The following VWA5A variants were observed in gnomAD, a reference collection of about 807,000 sequenced individuals.
The protein encoded by VWA5A is von Willebrand factor A domain containing 5A.
In VWA5A, 77 loss-of-function variants were observed where a neutral mutation model predicts 84.6. That is an observed-to-expected ratio of 0.91 (90% CI 0.76 to 1.10). The LOEUF is 1.10. Ranked by LOEUF, VWA5A falls within the 50% of genes least tolerant of loss-of-function variation. The pLI is 0.00. For synonymous variants in VWA5A, 334 were observed against 350.1 expected (o/e 0.95, Z 0.51); for missense variants, 973 against 963.0 (o/e 1.01, Z -0.14).
rs749615388 is a variant in VWA5A at position 124,134,970 on chromosome 11, G to A, written c.1295G>A (p.Gly432Asp). Residue 432 changes from glycine to aspartate, a missense_variant, in exon 12 of 19, where the codon GGT becomes GAT. Transcript: ENST00000456829. ...GGCACCTCCACCAGCCTAATAAAAG[G>A]TATTGCCCGGGCATCAGGGGGCACC... ...GEGTSTSLIK[G>D]IARASGGTSE... 1 of 1,613,620 alleles carries A rather than the reference G, an allele frequency of 6.2e-7. No individual in the cohort carries two copies. Among genetic ancestry groups the A allele is most frequent in the Non-Finnish European group, 8.5e-7 (1 of 1,179,812 alleles).
Position 124,136,586 on chromosome 11 carries a change from A to G in VWA5A, c.1537A>G (p.Thr513Ala). 1 of 1,614,124 alleles carries G rather than the reference A, an allele frequency of 6.2e-7. No homozygotes were observed. Among genetic ancestry groups the G allele is most frequent in the South Asian group, 1.1e-5 (1 of 91,084 alleles). The stretch of plus-strand genomic sequence containing the variant: ...CTCTAATTTGCAGGCAGCAGAGACA[A>G]CAGGAGAAGTATGCCTCAAATATAC... The part of the protein sequence containing the change: ...LTGRMPAAET[T>A]GEVCLKYTLQ... Residue 513 changes from threonine (T) to alanine (A), a missense_variant, in exon 14 of 19, where the codon ACA becomes GCA. Thr to Ala is a moderately conservative substitution (Grantham distance 58). Transcript: ENST00000456829.
chr11:124,141,253 T>C (rs1860722688), intron 15 of VWA5A, among the ~76,000 whole-genome samples: 1 of 152,206 alleles, frequency 6.6e-6, no homozygotes, highest in African/African-American at 2.4e-5. Flanking sequence ...TGAAGTGTGG[T>C]ACATTGAGCA....
intron 17 of VWA5A, among the ~76,000 whole-genome samples, chr11:124,143,361 A>G (rs1565292231): frequency 6.6e-6 from 1 of 152,220 alleles, no homozygotes; most frequent in Non-Finnish European, 1.5e-5. Context: ...AACTTTCAAA[A>G]TGTGGAAGGA....
At position 124,141,674 on chromosome 11, in the gene VWA5A, C is replaced by T; in HGVS notation, c.1956C>T (p.Ala652=). Residue 652 remains alanine, a synonymous_variant, in exon 16 of 19, where the codon GCC becomes GCT. Transcript: ENST00000456829. ...QPRGELMCYK[A]KTFQMDDYSL... The stretch of plus-strand genomic sequence containing the variant: ...GAGGGGAACTTATGTGTTATAAGGC[C>T]AAGACATTCCAGATGGACGATTACA... The T allele has an allele frequency of 6.2e-7, 1 of 1,614,082 alleles. No individual in the cohort carries two copies. Among genetic ancestry groups the T allele is most frequent in the South Asian group, 1.1e-5 (1 of 91,062 alleles).
Position 124,135,035 on chromosome 11 carries a change from G to A in VWA5A, c.1359+1G>A. The A allele has an allele frequency of 6.2e-7, 1 of 1,611,858 alleles. No homozygotes were observed. On this transcript the variant is annotated splice_donor_variant, in intron 12 of 18. Coordinates refer to ENST00000456829, the MANE Select transcript of VWA5A (RefSeq NM_001130142.2). LOFTEE classifies it high-confidence loss of function. The stretch of plus-strand genomic sequence containing the variant: ...AGGCAAAGACAGGATGCAGTCCAAG[G>A]TGAGGGACAGACTGACTGTGTCTGT...
At chr11:124,127,732 A>G (rs1474946221) in intron 11 of VWA5A, among the ~76,000 whole-genome samples, 1 of 152,050 alleles carries the variant, frequency 6.6e-6, no homozygotes, top group Non-Finnish European at 1.5e-5. Flanking sequence ...ATGGTATCTC[A>G]TTGTGGTTTT....
intron 2 of VWA5A, chr11:124,117,217 G>C (rs1864845012): frequency 2.0e-6 from 1 of 498,360 alleles, no homozygotes. Flanking sequence ...ATACACTTTT[G>C]AGAAAGTGGA....
rs1565615653 is a variant in VWA5A at position 124,122,983 on chromosome 11, G to A, written c.784G>A (p.Ala262Thr). The A allele has an allele frequency of 6.2e-7, 1 of 1,613,828 alleles. No individual in the cohort carries two copies. Among genetic ancestry groups the A allele is most frequent in the East Asian group, 2.2e-5 (1 of 44,878 alleles). Residue 262 changes from alanine to threonine, a missense_variant, in exon 8 of 19, where the codon GCA becomes ACA. Transcript: ENST00000456829. ...AGGTCATTTGATGGGAGATCCATCTGCAATGGTGAGTTTCTATCCAAATAT... is the reference window on the plus strand; with the variant it reads ...AGGTCATTTGATGGGAGATCCATCTACAATGGTGAGTTTCTATCCAAATAT... Reference protein sequence around the residue: ...KPGHLMGDPSAMVSFYPNIPE... With the variant: ...KPGHLMGDPSTMVSFYPNIPE...
chr11:124,118,228 C>A lies in VWA5A; in HGVS notation c.286C>A (p.Gln96Lys). 3 of 1,614,166 alleles carry A rather than the reference C, an allele frequency of 1.9e-6. No homozygotes were observed. Among genetic ancestry groups the A allele is most frequent in the Non-Finnish European group, 1.7e-6 (2 of 1,180,042 alleles). ...TGAGAAAGCCATCTCCCAGGGCCACCAGGCCTTCTTATTGGAGGGGGACAG... is the reference window on the plus strand; with the variant it reads ...TGAGAAAGCCATCTCCCAGGGCCACAAGGCCTTCTTATTGGAGGGGGACAG... ...NYEKAISQGH[Q>K]AFLLEGDSSS... The change falls in exon 5 of 19, where the codon CAG becomes AAG. Residue 96 changes from glutamine (Q) to lysine (K), a missense_variant. By Grantham distance (53) the Gln-to-Lys change is moderately conservative (BLOSUM62 1). Transcript: ENST00000456829.
At chr11:124,137,702 T>A (rs1860637517) in intron 15 of VWA5A, among the ~76,000 whole-genome samples, 1 of 152,292 alleles carries the variant, frequency 6.6e-6, no homozygotes, top group Non-Finnish European at 1.5e-5. Context: ...ACCTAAGAAA[T>A]AAACTTCATA....
intron 11 of VWA5A, 95 bp downstream of exon 11, chr11:124,124,411 G>A (rs554655815): frequency 4.0e-5 from 58 of 1,467,614 alleles, no homozygotes; most frequent in Middle Eastern, 3.5e-4. Context: ...TCCTTCAAGA[G>A]GACCAAATGA....
At chr11:124,121,864 C>G (rs1484203252) in intron 7 of VWA5A, among the ~76,000 whole-genome samples, 3 of 152,208 alleles carry the variant, frequency 2.0e-5, no homozygotes, top group Non-Finnish European at 2.9e-5. Context: ...CAATATAGCA[C>G]CAGCTCCATT....
chr11:124,141,841 T>C (rs1860734042), intron 16 of VWA5A, 100 bp downstream of exon 16: 1 of 1,465,910 alleles, frequency 6.8e-7, no homozygotes, highest in Non-Finnish European at 9.2e-7. Context: ...TGACAAGAGA[T>C]GCATGTTTCT....
At chr11:124,124,646 A>AC (rs1439115945) in intron 11 of VWA5A, 11 of 850,284 alleles carry the variant, frequency 1.3e-5, no homozygotes, top group Admixed American at 1.1e-4. Flanking sequence ...ATACAACTGG[A>AC]CTCATTATCA....
intron 11 of VWA5A, among the ~76,000 whole-genome samples, chr11:124,134,317 G>C (rs1865141218): frequency 6.6e-6 from 1 of 152,190 alleles, no homozygotes; most frequent in African/African-American, 2.4e-5. Flanking sequence ...TGAAAACTCT[G>C]TCTGTCATGC....
chr11:124,129,467 T>TAAG (rs1202276331), intron 11 of VWA5A, among the ~76,000 whole-genome samples: 2 of 152,220 alleles, frequency 1.3e-5, no homozygotes, highest in Admixed American at 6.5e-5. Context: ...CAGCCAGGTT[T>TAAG]TGGTATTAAG....
At chr11:124,142,809 G>A (rs1860756098) in intron 17 of VWA5A, among the ~76,000 whole-genome samples, 1 of 152,126 alleles carries the variant, frequency 6.6e-6, no homozygotes, top group Non-Finnish European at 1.5e-5. Context: ...ATGACAAAGG[G>A]AAAGCAAAAA....
intron 1 of VWA5A, chr11:124,115,889 A>G (rs1410883824): frequency 6.6e-6 from 1 of 152,208 alleles, no homozygotes; most frequent in African/African-American, 2.4e-5. Flanking sequence ...GCCCTTCTCT[A>G]TAGAAATGTA....
At chr11:124,136,778 C>CTCCCTCCT (rs1307725641) in intron 14 of VWA5A, 104 bp downstream of exon 14, 9 of 745,728 alleles carry the variant, frequency 1.2e-5, no homozygotes, top group African/African-American at 4.4e-5. Flanking sequence ...CCCTCCCTCC[C>CTCCCTCCT]TCCTTCCTTC....
Sources: gnomAD v4.1 joint callset for allele counts (sites outside exome capture counted in the v4.1 genomes callset) on GRCh38, gnomAD v4.1.1 for gene constraint, MANE v1.5 for transcripts, NCBI Gene and HGNC (gene_info 2026-07-23, HGNC 2026-07-21) for gene names.